The following CACHD1 variants were observed in gnomAD, a reference collection of about 807,000 sequenced individuals.
CACHD1 encodes the protein cache domain containing 1.
Under a neutral mutation model 138.7 loss-of-function variants are expected in CACHD1, and 71 were observed. The observed-to-expected ratio is 0.51, with a 90% confidence interval of 0.42 to 0.62. The LOEUF is 0.62. CACHD1 is among the 20% of genes least tolerant of loss of function. The pLI is 0.00. For synonymous variants in CACHD1, 578 were observed against 591.5 expected (o/e 0.98, Z 0.33); for missense variants, 1,389 against 1,625.3 (o/e 0.85, Z 2.50).
intron 1 of CACHD1, among the ~76,000 whole-genome samples, chr1:64,528,197 GA>G (rs1348281598): frequency 6.6e-6 from 1 of 152,174 alleles, no homozygotes; most frequent in East Asian, 1.9e-4. Flanking sequence ...TAAGTTTGAA[GA>G]CCTTTTTCTT....
In CACHD1 at chr1:64,681,990, C is replaced by T; in HGVS notation, c.3485-15C>T. The T allele has an allele frequency of 1.2e-6, 2 of 1,611,876 alleles. No individual in the cohort carries two copies. Among genetic ancestry groups the T allele is most frequent in the East Asian group, 2.2e-5 (1 of 44,860 alleles). On this transcript the variant is annotated splice_polypyrimidine_tract_variant and intron_variant, in intron 25 of 26. Transcript: ENST00000651257. ...TGGCATAAGAGTGACATTAACTGTC[C>T]TTGGCTTCCTACAGTCAGCAACACT...
intron 3 of CACHD1, among the ~76,000 whole-genome samples, chr1:64,597,521 G>GTTTTTTTTTT (rs1647164030): frequency 1.1e-4 from 7 of 63,856 alleles, no homozygotes; most frequent in African/African-American, 4.0e-4. Context: ...TTTTTTTTTT[G>GTTTTTTTTTT]TTGTTTTTTT....
At chr1:64,539,099 A>T (rs1269376283) in intron 1 of CACHD1, among the ~76,000 whole-genome samples, 1 of 152,096 alleles carries the variant, frequency 6.6e-6, no homozygotes, top group Admixed American at 6.6e-5. Context: ...CTAGAAGATG[A>T]TGCTGTTCAT....
chr1:64,609,980 A>G (rs1212139686), intron 4 of CACHD1, among the ~76,000 whole-genome samples: 2 of 150,604 alleles, frequency 1.3e-5, no homozygotes, highest in East Asian at 2.0e-4. Flanking sequence ...GAAACTTACA[A>G]TCATGACTGA....
intron 7 of CACHD1, among the ~76,000 whole-genome samples, chr1:64,636,092 G>A (rs984407847): frequency 4.0e-5 from 6 of 148,408 alleles, no homozygotes; most frequent in Admixed American, 6.8e-5. Flanking sequence ...GCCTGGTGAC[G>A]GAGCGAGACT....
intron 9 of CACHD1, among the ~76,000 whole-genome samples, chr1:64,649,377 A>G (rs1228059805): frequency 6.6e-6 from 1 of 151,926 alleles, no homozygotes. Flanking sequence ...CACTCCTATT[A>G]CTGTCAGGGA....
intron 1 of CACHD1, among the ~76,000 whole-genome samples, chr1:64,512,301 C>T (rs1646426530): frequency 6.9e-6 from 1 of 145,368 alleles, no homozygotes; most frequent in African/African-American, 2.6e-5. Flanking sequence ...GGCTGAGTCA[C>T]AAGAATGGCT....
At chr1:64,670,646 G>A (rs993236239) in intron 16 of CACHD1, among the ~76,000 whole-genome samples, 3 of 152,194 alleles carry the variant, frequency 2.0e-5, no homozygotes, top group Non-Finnish European at 4.4e-5. Context: ...CTCTGAAAGA[G>A]TAATAAGTTT....
At chr1:64,477,634 A>ATTTATT (rs1553125598) in intron 1 of CACHD1, among the ~76,000 whole-genome samples, 1 of 131,832 alleles carries the variant, frequency 7.6e-6, no homozygotes, top group Non-Finnish European at 1.6e-5. Flanking sequence ...ATTTTATTTT[A>ATTTATT]TTTTTTTTTT....
chr1:64,591,105 T>G (rs1647096860), intron 3 of CACHD1, among the ~76,000 whole-genome samples: 1 of 152,208 alleles, frequency 6.6e-6, no homozygotes, highest in Non-Finnish European at 1.5e-5. Context: ...AATTCTGGGT[T>G]CCATGAGAGA....
At position 64,673,162 on chromosome 1, in the gene CACHD1, T is replaced by C; in HGVS notation, c.2515T>C (p.Phe839Leu). 1 of 1,611,676 alleles carries C rather than the reference T, an allele frequency of 6.2e-7. No homozygotes were observed. Among genetic ancestry groups the C allele is most frequent in the Non-Finnish European group, 8.5e-7 (1 of 1,179,718 alleles). Reference sequence around the variant, plus strand: ...GCATAACTTGTTTTGGTACAGGTGCTTCATAATGGAGGACAGGGGTTATCT... The same window carrying C: ...GCATAACTTGTTTTGGTACAGGTGCCTCATAATGGAGGACAGGGGTTATCT... Reference protein sequence around the residue: ...NQDGGNKIRCFIMEDRGYLVA... With the variant: ...NQDGGNKIRCLIMEDRGYLVA... The change falls in exon 18 of 27, where the codon TTC becomes CTC. Residue 839 changes from phenylalanine (F) to leucine (L), a missense_variant. This residue lies in a region of CACHD1 where 1,000 missense variants were observed against 1,114.7 expected (regional missense o/e 0.90). Coordinates refer to ENST00000651257, the MANE Select transcript of CACHD1 (RefSeq NM_020925.4).
chr1:64,639,239 C>G (rs1368019577), intron 7 of CACHD1, among the ~76,000 whole-genome samples: 1 of 152,200 alleles, frequency 6.6e-6, no homozygotes, highest in African/African-American at 2.4e-5. Flanking sequence ...CATGCTGTAT[C>G]TATGTATATA....
rs139433400 is a variant in CACHD1, at chr1:64,689,161, G to A, written c.3587-2162G>A. 2.4e-3 allele frequency among the ~76,000 whole-genome samples: 365 copies of A among 152,308 alleles called. 3 individuals carry two copies. The highest frequency in any genetic ancestry group is 8.3e-3 in the African/African-American group (347 of 41,562). ...CTAACCAGGCCCGACCATGCTTATG[G>A]TGGACACATATGTCAGTGAACACTT... is the stretch of plus-strand genomic sequence containing the variant. On this transcript the variant is annotated intron_variant, in intron 26 of 26. Coordinates refer to ENST00000651257, the MANE Select transcript of CACHD1 (RefSeq NM_020925.4).
chr1:64,650,043 A>G (rs1367154383), intron 9 of CACHD1, among the ~76,000 whole-genome samples: 2 of 152,182 alleles, frequency 1.3e-5, no homozygotes, highest in African/African-American at 4.8e-5. Flanking sequence ...TACTGAACAT[A>G]TTTCTTTTTA....
At chr1:64,555,779 C>A (rs1646792586) in intron 2 of CACHD1, among the ~76,000 whole-genome samples, 1 of 152,186 alleles carries the variant, frequency 6.6e-6, no homozygotes, top group South Asian at 2.1e-4. Flanking sequence ...AAGTAGGTAT[C>A]CAATTTCCTT....
Position 64,508,871 on chromosome 1 carries a change from C to T in CACHD1, c.198+37929C>T, listed in dbSNP as rs144750578. ...TTGCCTCCCTAGTTCATCTTTTTAT[C>T]CTTGAAAAAGGCCCAGGGCTCCCAG... is the stretch of plus-strand genomic sequence containing the variant. On this transcript the variant is annotated intron_variant, in intron 1 of 26. Coordinates refer to ENST00000651257, the MANE Select transcript of CACHD1 (RefSeq NM_020925.4). Among the ~76,000 whole-genome samples, 660 of 152,222 alleles carry T rather than the reference C, an allele frequency of 4.3e-3. 13 individuals carry two copies. Among genetic ancestry groups the T allele is most frequent in the African/African-American group, 0.015 (631 of 41,546 alleles).
intron 2 of CACHD1, among the ~76,000 whole-genome samples, chr1:64,558,587 G>A (rs991485191): frequency 4.6e-5 from 7 of 152,148 alleles, no homozygotes; most frequent in African/African-American, 1.7e-4. Context: ...CATTGGAACA[G>A]GCAAAGATTT....
At chr1:64,688,201 A>G (rs1340286917) in intron 26 of CACHD1, among the ~76,000 whole-genome samples, 2 of 151,982 alleles carry the variant, frequency 1.3e-5, no homozygotes, top group Non-Finnish European at 2.9e-5. Flanking sequence ...ATGAGCAGAG[A>G]CGGGAAGCTA....
At chr1:64,545,674 CT>C (rs2100441357) in intron 1 of CACHD1, among the ~76,000 whole-genome samples, 1 of 152,272 alleles carries the variant, frequency 6.6e-6, no homozygotes, top group East Asian at 1.9e-4. Context: ...TTGTTGTGTA[CT>C]GTACTTGTCT....
Sources: allele counts gnomAD v4.1 joint callset (sites outside exome capture counted in the v4.1 genomes callset), GRCh38; gene constraint gnomAD v4.1.1; regional missense constraint gnomAD v4.1.1; transcripts MANE v1.5; gene names NCBI Gene and HGNC (gene_info 2026-07-23, HGNC 2026-07-21).